Variants in POF1B observed in about 807,000 individuals in gnomAD.
POF1B encodes POF1B actin binding protein.
POF1B carries 53 observed loss-of-function variants against 55.3 expected under a neutral mutation model. The observed-to-expected ratio is 0.96, with a 90% CI of 0.77 to 1.20. The LOEUF (loss-of-function observed/expected upper bound fraction) is 1.20, where lower values mean the gene tolerates loss of function less well. Among genes scored for constraint, POF1B ranks in the 50% most tolerant of loss-of-function variants. The pLI is 0.00. For synonymous variants in POF1B, 188 were observed against 148.3 expected (o/e 1.27, Z -1.95); for missense variants, 478 against 420.5 (o/e 1.14, Z -1.20).
At chrX:85,291,598 C>G (rs762227553) in intron 15 of POF1B, among the ~76,000 whole-genome samples, 2 of 111,570 alleles carry the variant, frequency 1.8e-5, no homozygotes, top group African/African-American at 3.3e-5. Context: ...TTTGTGTCAT[C>G]TCTGATTTTT....
chrX:85,377,483 C>T (rs1468901674), intron 2 of POF1B, among the ~76,000 whole-genome samples: 1 of 111,697 alleles, frequency 9.0e-6, no homozygotes, highest in Non-Finnish European at 1.9e-5. Flanking sequence ...CCCTTTACCA[C>T]ATAGCTTAAC....
At chrX:85,281,721 AAT>A (rs990864239) in intron 16 of POF1B, among the ~76,000 whole-genome samples, 1 of 102,806 alleles carries the variant, frequency 9.7e-6, no homozygotes, top group Non-Finnish European at 1.9e-5. Flanking sequence ...TCTAAATCCT[AAT>A]ATATATAATA....
chrX:85,349,787 CTG>C (rs1424974979), intron 5 of POF1B, among the ~76,000 whole-genome samples: 2 of 111,206 alleles, frequency 1.8e-5, no homozygotes, highest in Non-Finnish European at 3.8e-5. Flanking sequence ...GCCTCCAGAA[CTG>C]TGAGACAATA....
At chrX:85,311,881 A>G (rs1932709663) in intron 9 of POF1B, among the ~76,000 whole-genome samples, 2 of 112,050 alleles carry the variant, frequency 1.8e-5, no homozygotes, top group South Asian at 7.5e-4. Context: ...AACTCACGTG[A>G]GATGGTATCT....
chrX:85,302,867 G>A (rs773409521), intron 15 of POF1B, among the ~76,000 whole-genome samples: 1 of 111,637 alleles, frequency 9.0e-6, no homozygotes, highest in African/African-American at 3.2e-5. Context: ...ATCCAAAATA[G>A]ACTTCTGCTG....
At chrX:85,351,305 A>G in intron 5 of POF1B, 45 bp downstream of exon 5, 1 of 947,858 alleles carries the variant, frequency 1.1e-6, no homozygotes, top group Non-Finnish European at 1.5e-6. Context: ...ATACAATTCA[A>G]AATTATACAC....
intron 7 of POF1B, 35 bp downstream of exon 7, chrX:85,330,914 C>A: frequency 2.7e-6 from 3 of 1,116,922 alleles, no homozygotes; most frequent in Non-Finnish European, 3.5e-6. Flanking sequence ...TGTTTGGTAG[C>A]TACAACATCA....
intron 2 of POF1B, among the ~76,000 whole-genome samples, chrX:85,374,558 C>G (rs1266318090): frequency 8.9e-6 from 1 of 112,323 alleles, no homozygotes; most frequent in African/African-American, 3.2e-5. Flanking sequence ...TACATAAAGA[C>G]TAATATACAG....
chrX:85,348,509 A>C (rs1933316277), intron 5 of POF1B, among the ~76,000 whole-genome samples: 1 of 110,357 alleles, frequency 9.1e-6, no homozygotes, highest in Admixed American at 9.7e-5. Flanking sequence ...AGCTAGTCCT[A>C]TTTGATTCGG....
intron 15 of POF1B, among the ~76,000 whole-genome samples, chrX:85,299,455 A>AT (rs1422946721): frequency 9.9e-6 from 1 of 100,971 alleles, no homozygotes; most frequent in Admixed American, 1.0e-4. Flanking sequence ...CGCCTGGCTA[A>AT]TTTTTTGTAT....
chrX:85,342,213 G>A (rs187930968), intron 6 of POF1B, among the ~76,000 whole-genome samples: 97 of 111,337 alleles, frequency 8.7e-4, no homozygotes, highest in African/African-American at 3.1e-3. Flanking sequence ...TTAGTAGGGA[G>A]GACCATGGAA....
Position 85,339,390 on chromosome X carries a change from G to C in POF1B, c.723+6470C>G, listed in dbSNP as rs1603057488. On this transcript the variant is annotated intron_variant, in intron 6 of 16. Coordinates refer to ENST00000262753, the MANE Select transcript of POF1B (RefSeq NM_024921.4). ...GTGGGTACACAGCCAAACTATATCA[G>C]GGGCCAAGAATGGGTCCTTGGAGAA... Among the ~76,000 whole-genome samples the C allele has an allele frequency of 4.5e-5, 5 of 111,158 alleles. No individual in the cohort carries two copies. In the Admixed American group the frequency reaches 4.8e-4, roughly 11 times the overall value.
chrX:85,338,563 G>T (rs958195220), intron 6 of POF1B, among the ~76,000 whole-genome samples: 6 of 111,795 alleles, frequency 5.4e-5, no homozygotes, highest in African/African-American at 1.9e-4. Context: ...TAAAATGTAT[G>T]ATCTTTTCTT....
At chrX:85,293,789 A>G (rs375822924) in intron 15 of POF1B, among the ~76,000 whole-genome samples, 23 of 111,359 alleles carry the variant, frequency 2.1e-4, no homozygotes, top group African/African-American at 7.5e-4. Flanking sequence ...CCTGGCCAAC[A>G]TGGTGAAACC....
At chrX:85,319,728 G>T (rs1415594721) in intron 7 of POF1B, among the ~76,000 whole-genome samples, 1 of 111,297 alleles carries the variant, frequency 9.0e-6, no homozygotes, top group Non-Finnish European at 1.9e-5. Context: ...CTACTTGACT[G>T]TGGTGTGGAT....
intron 4 of POF1B, among the ~76,000 whole-genome samples, chrX:85,353,510 C>T (rs1027562540): frequency 9.0e-5 from 10 of 110,942 alleles, no homozygotes; most frequent in African/African-American, 2.9e-4. Context: ...AGACATTTTA[C>T]GTGCTCCTAA....
intron 6 of POF1B, among the ~76,000 whole-genome samples, chrX:85,337,516 G>T (rs977896214): frequency 9.0e-6 from 1 of 111,084 alleles, no homozygotes; most frequent in Non-Finnish European, 1.9e-5. Context: ...GTTCCTGCAG[G>T]GAGGACAATC....
Position 85,303,439 on chromosome X carries a change from G to C in POF1B, c.1616C>G (p.Ser539Cys), listed in dbSNP as rs1461606905. 8.4e-7 allele frequency: 1 copy of C among 1,191,680 alleles called. No homozygotes were observed. The highest frequency in any genetic ancestry group is 1.8e-5 in the South Asian group (1 of 55,211). Residue 539 changes from serine to cysteine, a missense_variant, in exon 15 of 17, where the codon TCC becomes TGC. Transcript: ENST00000262753. ...GGTAATAGTAGTCCTTCCACCAGTG[G>C]AGGGTTGGTTATGAGAGGAATATAT... ...QEIYSSHNQP[S>C]TGGRTTITTK...
At chrX:85,281,293 T>G (rs1456580383) in intron 16 of POF1B, among the ~76,000 whole-genome samples, 1 of 110,343 alleles carries the variant, frequency 9.1e-6, no homozygotes, top group African/African-American at 3.3e-5. Context: ...TACAGTAAGA[T>G]GTGCATAGGT....
Sources: allele counts gnomAD v4.1 joint callset (sites outside exome capture counted in the v4.1 genomes callset), GRCh38; gene constraint gnomAD v4.1.1; transcripts MANE v1.5; gene names NCBI Gene and HGNC (gene_info 2026-07-23, HGNC 2026-07-21).